Variants in LCORL observed in about 807,000 individuals in gnomAD.
The protein encoded by LCORL is ligand-dependent nuclear receptor corepressor-like protein.
A neutral mutation model predicts 141.8 loss-of-function variants in LCORL; 41 were observed. The observed-to-expected ratio is 0.29, with a 90% CI of 0.23 to 0.38. The LOEUF (loss-of-function observed/expected upper bound fraction) is 0.38, where lower values mean the gene tolerates loss of function less well. LCORL is among the 10% of genes least tolerant of loss of function. The probability of loss-of-function intolerance (pLI) is 1.00; values close to 1 mark genes in which losing one functional copy is unlikely to be tolerated. For synonymous variants in LCORL, 618 were observed against 694.1 expected (o/e 0.89, Z 1.72); for missense variants, 1,759 against 2,035.0 (o/e 0.86, Z 2.61).
intron 7 of LCORL, among the ~76,000 whole-genome samples, chr4:17,862,210 G>A (rs1725093950): frequency 6.6e-6 from 1 of 152,186 alleles, no homozygotes; most frequent in Non-Finnish European, 1.5e-5. Flanking sequence ...GAAGCTTAAT[G>A]GAGAACCCAC....
At chr4:17,936,445 A>G (rs1274705269) in intron 4 of LCORL, among the ~76,000 whole-genome samples, 1 of 151,966 alleles carries the variant, frequency 6.6e-6, no homozygotes, top group Non-Finnish European at 1.5e-5. Flanking sequence ...GGCGTAGAAC[A>G]CTGGTTTTCC....
intron 7 of LCORL, among the ~76,000 whole-genome samples, chr4:17,847,713 C>T (rs760882939): frequency 1.3e-5 from 2 of 152,026 alleles, no homozygotes; most frequent in Non-Finnish European, 2.9e-5. Context: ...TTAAAATGTC[C>T]TCAGGGACCT....
At chr4:17,852,262 T>A (rs1723821123) in intron 7 of LCORL, among the ~76,000 whole-genome samples, 1 of 150,534 alleles carries the variant, frequency 6.6e-6, no homozygotes, top group South Asian at 2.2e-4. Context: ...AGCAATAGTA[T>A]GTATACAGTG....
At chr4:17,955,261 G>A (rs1560399710) in intron 4 of LCORL, among the ~76,000 whole-genome samples, 1 of 152,190 alleles carries the variant, frequency 6.6e-6, no homozygotes, top group African/African-American at 2.4e-5. Context: ...AGGCTAAGAT[G>A]AGAAATGACT....
intron 4 of LCORL, among the ~76,000 whole-genome samples, chr4:17,940,461 A>G (rs1357700583): frequency 1.4e-5 from 2 of 144,876 alleles, no homozygotes; most frequent in African/African-American, 5.3e-5. Flanking sequence ...TGTAATATAT[A>G]TTATGTAATA....
chr4:17,938,296 C>G (rs879574081), intron 4 of LCORL, among the ~76,000 whole-genome samples: 1 of 152,044 alleles, frequency 6.6e-6, no homozygotes, highest in African/African-American at 2.4e-5. Context: ...CATGAGCCAC[C>G]ACGCACAGCC....
exon 7 of LCORL, chr4:17,876,933 T>A: frequency 8.1e-7 from 1 of 1,230,736 alleles, no homozygotes; most frequent in East Asian, 3.2e-5. Context: ...TTCAGCATGA[T>A]TTTTACCTTG....
At chr4:17,850,439 AAAAC>A (rs1289423712) in intron 7 of LCORL, among the ~76,000 whole-genome samples, 1 of 151,566 alleles carries the variant, frequency 6.6e-6, no homozygotes, top group Non-Finnish European at 1.5e-5. Context: ...TTACAAGAAA[AAAAC>A]AACCCCATCA....
At chr4:17,917,589 A>G (rs1385367989) in intron 4 of LCORL, among the ~76,000 whole-genome samples, 2 of 152,284 alleles carry the variant, frequency 1.3e-5, no homozygotes. Flanking sequence ...CAGTCTATAC[A>G]GAAAGCAAAT....
intron 4 of LCORL, among the ~76,000 whole-genome samples, chr4:17,929,702 G>A (rs1461602859): frequency 6.6e-6 from 1 of 152,066 alleles, no homozygotes; most frequent in Non-Finnish European, 1.5e-5. Flanking sequence ...CCTTGGATTA[G>A]GCTATGATTT....
intron 5 of LCORL, chr4:17,893,224 T>C (rs988402002): frequency 3.5e-6 from 1 of 289,120 alleles, no homozygotes. Context: ...TCAACAGCAT[T>C]ATACATTCTT....
intron 5 of LCORL, among the ~76,000 whole-genome samples, chr4:17,897,207 T>G: frequency 7.5e-6 from 1 of 133,792 alleles, no homozygotes; most frequent in Non-Finnish European, 1.6e-5. Context: ...TTTGATATAC[T>G]GATTTCTTTT....
chr4:17,849,420 T>C (rs907592526), intron 7 of LCORL, among the ~76,000 whole-genome samples: 4 of 152,320 alleles, frequency 2.6e-5, no homozygotes, highest in Non-Finnish European at 2.9e-5. Context: ...AAACAGGGTC[T>C]GGAGTGGACC....
At chr4:17,841,272 CCAGA>C (rs1326549003) in exon 8 of LCORL, 4 of 152,016 alleles carry the variant, frequency 2.6e-5, no homozygotes, top group African/African-American at 4.8e-5. Context: ...GAAAGTACAT[CCAGA>C]CAAACTACTA....
chr4:17,974,275 C>T (rs1359578966), intron 1 of LCORL, among the ~76,000 whole-genome samples: 1 of 151,990 alleles, frequency 6.6e-6, no homozygotes, highest in East Asian at 1.9e-4. Flanking sequence ...TACTATCTCT[C>T]TTCCGCATTT....
intron 1 of LCORL, among the ~76,000 whole-genome samples, chr4:17,975,491 G>A (rs1000710735): frequency 6.6e-5 from 10 of 151,822 alleles, no homozygotes; most frequent in Non-Finnish European, 1.5e-5. Context: ...CACCTCCTGG[G>A]TACATGCGAA....
At chr4:17,907,631 G>A (rs1013978196) in intron 5 of LCORL, among the ~76,000 whole-genome samples, 1 of 151,860 alleles carries the variant, frequency 6.6e-6, no homozygotes, top group African/African-American at 2.4e-5. Context: ...GCCTTCACAG[G>A]TGTCCAACCC....
intron 1 of LCORL, among the ~76,000 whole-genome samples, chr4:17,991,413 T>C (rs1057000577): frequency 6.6e-6 from 1 of 152,242 alleles, no homozygotes; most frequent in Non-Finnish European, 1.5e-5. Flanking sequence ...ATTCAAAGTA[T>C]CTAAGCTATA....
chr4:17,896,162 T>C (rs1401672264), intron 5 of LCORL, among the ~76,000 whole-genome samples: 1 of 152,098 alleles, frequency 6.6e-6, no homozygotes, highest in African/African-American at 2.4e-5. Flanking sequence ...CAGCAATGTA[T>C]CAGGGGTCCA....
Sources: gnomAD v4.1 joint callset for allele counts (sites outside exome capture counted in the v4.1 genomes callset) on GRCh38, gnomAD v4.1.1 for gene constraint, MANE v1.5 for transcripts, NCBI Gene and HGNC (gene_info 2026-07-23, HGNC 2026-07-21) for gene names.